Variants in SUGCT observed in about 807,000 individuals in gnomAD.
The protein encoded by SUGCT is succinyl-CoA:glutarate-CoA transferase.
In SUGCT, 41 loss-of-function variants were observed where a neutral mutation model predicts 55.0. The observed-to-expected ratio is 0.74, with a 90% CI of 0.58 to 0.97. The LOEUF (loss-of-function observed/expected upper bound fraction) is 0.97. Among genes scored for constraint, SUGCT ranks in the 50% least tolerant of loss-of-function variants. The probability of loss-of-function intolerance (pLI) is 0.00; values close to 1 mark genes in which losing one functional copy is unlikely to be tolerated. For missense variants in SUGCT, 568 were observed against 547.8 expected (o/e 1.04, Z -0.37); for synonymous variants, 187 against 200.4 (o/e 0.93, Z 0.56).
chr7:40,196,687 C>T (rs927952178), intron 6 of SUGCT, among the ~76,000 whole-genome samples: 1 of 152,100 alleles, frequency 6.6e-6, no homozygotes, highest in Non-Finnish European at 1.5e-5. Context: ...AGCCACCACA[C>T]CCGGGTAATT....
At chr7:40,818,913 C>A (rs1459855050) in intron 13 of SUGCT, among the ~76,000 whole-genome samples, 1 of 109,606 alleles carries the variant, frequency 9.1e-6, no homozygotes, top group East Asian at 3.4e-4. Context: ...CCCCCCTCCC[C>A]CCACCCCACA....
At chr7:40,822,701 GT>G (rs1172830786) in intron 13 of SUGCT, among the ~76,000 whole-genome samples, 1 of 152,150 alleles carries the variant, frequency 6.6e-6, no homozygotes. Flanking sequence ...GTAGAGCACT[GT>G]TTTTTACCTT....
At chr7:40,682,533 A>G (rs1020211413) in intron 12 of SUGCT, among the ~76,000 whole-genome samples, 2 of 152,218 alleles carry the variant, frequency 1.3e-5, no homozygotes, top group Non-Finnish European at 2.9e-5. Flanking sequence ...TAATGTCAGC[A>G]CTGAGTAGAA....
chr7:40,866,193 T>C, the SUGCT span, among the ~76,000 whole-genome samples: 3 of 152,174 alleles, frequency 2.0e-5, no homozygotes, highest in African/African-American at 7.2e-5. Flanking sequence ...GGAAAATACC[T>C]TTCTTTCCAC....
chr7:40,951,432 G>T, the SUGCT span, among the ~76,000 whole-genome samples: 1 of 152,146 alleles, frequency 6.6e-6, no homozygotes, highest in Admixed American at 6.5e-5. Context: ...ATTTTTTGAA[G>T]GGTTTTTTGT....
intron 13 of SUGCT, among the ~76,000 whole-genome samples, chr7:40,819,174 G>A (rs1249373524): frequency 6.6e-6 from 1 of 151,942 alleles, no homozygotes; most frequent in Non-Finnish European, 1.5e-5. Flanking sequence ...ATTTGGGTTG[G>A]TTCCATTGGT....
intron 11 of SUGCT, among the ~76,000 whole-genome samples, chr7:40,468,548 T>A (rs1389515764): frequency 6.6e-6 from 1 of 152,164 alleles, no homozygotes; most frequent in African/African-American, 2.4e-5. Context: ...TTTCACTTAT[T>A]TGCATGAAGG....
At chr7:40,653,719 C>A (rs964888547) in intron 12 of SUGCT, among the ~76,000 whole-genome samples, 4 of 152,204 alleles carry the variant, frequency 2.6e-5, no homozygotes, top group African/African-American at 7.2e-5. Flanking sequence ...GAGGGAACCA[C>A]TTGGACCTTT....
At chr7:40,814,366 A>G (rs1000889118) in intron 13 of SUGCT, among the ~76,000 whole-genome samples, 5 of 152,040 alleles carry the variant, frequency 3.3e-5, no homozygotes, top group Non-Finnish European at 7.4e-5. Context: ...ACTTTACATA[A>G]TATTTCTTGA....
intron 8 of SUGCT, among the ~76,000 whole-genome samples, chr7:40,301,206 C>G (rs1373721851): frequency 6.6e-6 from 1 of 152,148 alleles, no homozygotes; most frequent in Non-Finnish European, 1.5e-5. Context: ...TCTCTTTTCA[C>G]CATTCTGTCT....
At chr7:40,803,748 T>A (rs1167044381) in intron 13 of SUGCT, among the ~76,000 whole-genome samples, 1 of 152,230 alleles carries the variant, frequency 6.6e-6, no homozygotes, top group Non-Finnish European at 1.5e-5. Context: ...AATCAAAATT[T>A]AAATTTAAAT....
At chr7:41,007,248 A>G in the SUGCT span, among the ~76,000 whole-genome samples, 1 of 152,262 alleles carries the variant, frequency 6.6e-6, no homozygotes, top group East Asian at 1.9e-4. Flanking sequence ...CTCAAGTGGC[A>G]CCCTGACTAC....
chr7:40,472,980 CAA>C (rs1225856307), intron 11 of SUGCT, among the ~76,000 whole-genome samples: 3 of 152,152 alleles, frequency 2.0e-5, no homozygotes, highest in Non-Finnish European at 4.4e-5. Flanking sequence ...TTCTTCCTTA[CAA>C]ATGCATTGAG....
chr7:41,020,340 A>G, the SUGCT span, among the ~76,000 whole-genome samples: 1 of 152,234 alleles, frequency 6.6e-6, no homozygotes, highest in Admixed American at 6.5e-5. Flanking sequence ...TTTTCTACAA[A>G]GTATGGTAGC....
chr7:40,616,532 G>A (rs185731620), intron 12 of SUGCT, among the ~76,000 whole-genome samples: 190 of 152,306 alleles, frequency 1.2e-3, no homozygotes, highest in African/African-American at 4.3e-3. Context: ...AGCTAAAGTG[G>A]TTTGCCCAGG....
intron 12 of SUGCT, among the ~76,000 whole-genome samples, chr7:40,681,450 G>A (rs1784239030): frequency 6.6e-6 from 1 of 152,098 alleles, no homozygotes; most frequent in African/African-American, 2.4e-5. Context: ...CTTTGTTATA[G>A]AACCCAACTG....
intron 8 of SUGCT, among the ~76,000 whole-genome samples, chr7:40,275,630 C>T (rs904138695): frequency 2.8e-4 from 42 of 152,136 alleles, no homozygotes; most frequent in African/African-American, 9.9e-4. Context: ...TGTGGTTTGT[C>T]ACCTACATTT....
chr7:40,719,796 ATTCTG>A (rs1562962924), intron 12 of SUGCT, among the ~76,000 whole-genome samples: 1 of 151,916 alleles, frequency 6.6e-6, no homozygotes, highest in Non-Finnish European at 1.5e-5. Flanking sequence ...AGCACACACA[ATTCTG>A]TTTTGTTTTG....
chr7:40,391,756 C>T (rs1408077016), intron 9 of SUGCT, among the ~76,000 whole-genome samples: 1 of 152,118 alleles, frequency 6.6e-6, no homozygotes, highest in Non-Finnish European at 1.5e-5. Flanking sequence ...ACTAGAAATA[C>T]CATTTGACCC....
Sources: gnomAD v4.1 joint callset for allele counts (sites outside exome capture counted in the v4.1 genomes callset) on GRCh38, gnomAD v4.1.1 for gene constraint, MANE v1.5 for transcripts, NCBI Gene and HGNC (gene_info 2026-07-23, HGNC 2026-07-21) for gene names.